SPAG16: variants seen among roughly 807,000 people sequenced by gnomAD.
The protein encoded by SPAG16 is sperm-associated antigen 16 protein.
A neutral mutation model predicts 80.4 loss-of-function variants in SPAG16; 86 were observed. The ratio of observed to expected loss-of-function variants is 1.07; its 90% CI spans 0.90 to 1.28. The LOEUF (loss-of-function observed/expected upper bound fraction) is 1.28. Among genes scored for constraint, SPAG16 ranks in the 50% most tolerant of loss-of-function variants. The pLI, the probability that SPAG16 is intolerant of heterozygous loss-of-function variation, is 0.00. For missense variants in SPAG16, 870 were observed against 765.3 expected (o/e 1.14, Z -1.61); for synonymous variants, 294 against 265.9 (o/e 1.11, Z -1.03).
chr2:213,859,051 C>T (rs1377859035), intron 10 of SPAG16, among the ~76,000 whole-genome samples: 1 of 150,868 alleles, frequency 6.6e-6, no homozygotes, highest in East Asian at 2.0e-4. Context: ...TGGTGGCACG[C>T]ACCTGTAATC....
chr2:214,108,614 A>G (rs567743401), intron 14 of SPAG16, among the ~76,000 whole-genome samples: 122 of 152,258 alleles, frequency 8.0e-4, no homozygotes, highest in African/African-American at 2.6e-3. Flanking sequence ...ACTGCATAAA[A>G]TTTTAATGAA....
intron 15 of SPAG16, among the ~76,000 whole-genome samples, chr2:214,228,345 A>G (rs1233357426): frequency 6.6e-6 from 1 of 151,968 alleles, no homozygotes; most frequent in Admixed American, 6.6e-5. Context: ...ATAGCATTAT[A>G]TCACAGCTGA....
At chr2:213,456,512 A>G (rs940085034) in intron 9 of SPAG16, among the ~76,000 whole-genome samples, 2 of 152,224 alleles carry the variant, frequency 1.3e-5, no homozygotes, top group Admixed American at 6.5e-5. Flanking sequence ...TTTCCCCACC[A>G]TTCTTCAATG....
chr2:213,922,823 G>A (rs1031371297), intron 11 of SPAG16, among the ~76,000 whole-genome samples: 1 of 151,970 alleles, frequency 6.6e-6, no homozygotes, highest in Non-Finnish European at 1.5e-5. Context: ...ATTACTGTCT[G>A]CATGCCCGCA....
At chr2:213,290,125 A>G (rs1467010802) in intron 1 of SPAG16, among the ~76,000 whole-genome samples, 1 of 152,116 alleles carries the variant, frequency 6.6e-6, no homozygotes, top group African/African-American at 2.4e-5. Context: ...ACATTTTCCC[A>G]TTTTCTGAAA....
At chr2:214,062,781 C>G (rs1030350215) in intron 13 of SPAG16, among the ~76,000 whole-genome samples, 2 of 150,900 alleles carry the variant, frequency 1.3e-5, no homozygotes, top group African/African-American at 4.9e-5. Flanking sequence ...TGGCCAGTCT[C>G]AAGAAAGGAT....
intron 10 of SPAG16, among the ~76,000 whole-genome samples, chr2:213,520,283 A>G (rs1375708797): frequency 6.6e-6 from 1 of 152,142 alleles, no homozygotes; most frequent in African/African-American, 2.4e-5. Flanking sequence ...TATGGCCTCC[A>G]GAACTGTAAA....
rs74467215 is a variant in SPAG16 at position 213,293,501 on chromosome 2, C to A, written c.137-2563C>A. Among the ~76,000 whole-genome samples, 93 of 152,304 alleles carry A rather than the reference C, an allele frequency of 6.1e-4. No homozygotes were observed. The East Asian group carries it at 0.013, about 21-fold the overall frequency. ...ACATTGTTTTCTTGGACTGCTTATT[C>A]TGGGGGTAGTTAGCCCACCATATCT... On this transcript the variant is annotated intron_variant, in intron 1 of 15. Coordinates refer to ENST00000331683, the MANE Select transcript of SPAG16 (RefSeq NM_024532.5).
At chr2:214,130,093 T>C (rs1237378965) in intron 14 of SPAG16, among the ~76,000 whole-genome samples, 1 of 152,186 alleles carries the variant, frequency 6.6e-6, no homozygotes, top group African/African-American at 2.4e-5. Context: ...ACCCCAGTTC[T>C]CAACCAAATC....
At chr2:213,745,337 G>A (rs1400797123) in intron 10 of SPAG16, among the ~76,000 whole-genome samples, 1 of 152,060 alleles carries the variant, frequency 6.6e-6, no homozygotes, top group Non-Finnish European at 1.5e-5. Flanking sequence ...CTGCCTCCCG[G>A]GTTCAAGCAA....
intron 7 of SPAG16, among the ~76,000 whole-genome samples, chr2:213,350,980 A>C (rs373415521): frequency 0.024 from 3,617 of 150,876 alleles, 64 homozygotes; most frequent in African/African-American, 0.04. Context: ...AAAAAAAAAA[A>C]AACAAAAAAC....
At chr2:214,118,329 G>A (rs993242264) in intron 14 of SPAG16, among the ~76,000 whole-genome samples, 4 of 152,146 alleles carry the variant, frequency 2.6e-5, no homozygotes, top group African/African-American at 9.7e-5. Flanking sequence ...ACAGGAAATA[G>A]AAGAGGACAC....
At chr2:213,773,023 T>G (rs1456945437) in intron 10 of SPAG16, among the ~76,000 whole-genome samples, 2 of 152,136 alleles carry the variant, frequency 1.3e-5, no homozygotes, top group East Asian at 3.8e-4. Context: ...ATATGGTTTG[T>G]TTTTCACTAA....
chr2:213,990,003 A>G (rs2046200223), intron 12 of SPAG16, among the ~76,000 whole-genome samples: 1 of 152,130 alleles, frequency 6.6e-6, no homozygotes, highest in South Asian at 2.1e-4. Context: ...TGATTTCAAT[A>G]ATTTATATAT....
intron 12 of SPAG16, among the ~76,000 whole-genome samples, chr2:213,958,528 CA>C (rs1313937679): frequency 2.0e-5 from 3 of 152,144 alleles, no homozygotes; most frequent in Non-Finnish European, 2.9e-5. Context: ...TATGAGCTCA[CA>C]ACTTTGAATA....
chr2:214,069,399 C>T (rs1186623194), intron 13 of SPAG16, among the ~76,000 whole-genome samples: 28 of 152,128 alleles, frequency 1.8e-4, no homozygotes, highest in Non-Finnish European at 4.0e-4. Flanking sequence ...ACTCTTTCCC[C>T]CACAGTTGTA....
intron 4 of SPAG16, among the ~76,000 whole-genome samples, chr2:213,314,803 A>G (rs1259405006): frequency 6.6e-6 from 1 of 151,908 alleles, no homozygotes; most frequent in Admixed American, 6.6e-5. Flanking sequence ...GAAAAAGCCT[A>G]TGTCTTCTCT....
At chr2:213,457,222 T>C (rs778242072) in intron 9 of SPAG16, among the ~76,000 whole-genome samples, 25 of 152,222 alleles carry the variant, frequency 1.6e-4, no homozygotes, top group Non-Finnish European at 3.1e-4. Flanking sequence ...ACTCTTTCTG[T>C]TGATGGTTAT....
chr2:214,237,329 A>G (rs777669628), intron 15 of SPAG16, among the ~76,000 whole-genome samples: 3 of 152,124 alleles, frequency 2.0e-5, no homozygotes, highest in South Asian at 2.1e-4. Context: ...ACATTAAAAA[A>G]AAAACACAGA....
Sources: gnomAD v4.1 joint callset for allele counts (sites outside exome capture counted in the v4.1 genomes callset) on GRCh38, gnomAD v4.1.1 for gene constraint, MANE v1.5 for transcripts, NCBI Gene and HGNC (gene_info 2026-07-23, HGNC 2026-07-21) for gene names.